RIPOR3: variants seen among roughly 807,000 people sequenced by gnomAD.
RIPOR3 encodes the protein family with sequence similarity 65 member C.
A neutral mutation model predicts 114.3 loss-of-function variants in RIPOR3; 95 were observed. The observed-to-expected ratio is 0.83, with a 90% CI of 0.70 to 0.99. The LOEUF (loss-of-function observed/expected upper bound fraction) is 0.99, where lower values mean the gene tolerates loss of function less well. Among genes scored for constraint, RIPOR3 ranks in the 50% least tolerant of loss-of-function variants. RIPOR3 has a pLI of 0.00. For missense variants in RIPOR3, 1,252 were observed against 1,266.9 expected (o/e 0.99, Z 0.18); for synonymous variants, 575 against 543.8 (o/e 1.06, Z -0.80).
At chr20:50,671,069 A>G (rs2123528043) in intron 1 of RIPOR3, among the ~76,000 whole-genome samples, 1 of 152,290 alleles carries the variant, frequency 6.6e-6, no homozygotes, top group East Asian at 1.9e-4. Context: ...CTGGAACCAA[A>G]GGCATGCACC....
intron 1 of RIPOR3, among the ~76,000 whole-genome samples, chr20:50,655,704 T>C (rs996935652): frequency 1.3e-5 from 2 of 148,666 alleles, no homozygotes; most frequent in African/African-American, 2.5e-5. Flanking sequence ...TGTGTGTGTG[T>C]CCACAGCACA....
intron 12 of RIPOR3, among the ~76,000 whole-genome samples, chr20:50,604,277 G>C (rs1402872320): frequency 1.3e-5 from 2 of 152,204 alleles, no homozygotes; most frequent in African/African-American, 4.8e-5. Flanking sequence ...CTGATGACAG[G>C]AGTTGGTATT....
At chr20:50,682,915 C>T (rs1458469062) in intron 1 of RIPOR3, among the ~76,000 whole-genome samples, 2 of 151,856 alleles carry the variant, frequency 1.3e-5, no homozygotes, top group East Asian at 1.9e-4. Flanking sequence ...TTAGTAGAGA[C>T]GGGGTTTCTC....
chr20:50,592,278 G>T, intron 19 of RIPOR3, 66 bp downstream of exon 19: 1 of 1,453,140 alleles, frequency 6.9e-7, no homozygotes, highest in Non-Finnish European at 9.2e-7. Flanking sequence ...TTTTCCATGA[G>T]AACACCAGCT....
intron 2 of RIPOR3, among the ~76,000 whole-genome samples, chr20:50,626,424 T>C (rs550671255): frequency 3.9e-5 from 6 of 152,316 alleles, no homozygotes; most frequent in Non-Finnish European, 8.8e-5. Context: ...ACTTGGACAC[T>C]GTGGGACCCT....
chr20:50,606,109 G>A (rs555248798), intron 11 of RIPOR3, among the ~76,000 whole-genome samples: 1 of 152,386 alleles, frequency 6.6e-6, no homozygotes, highest in African/African-American at 2.4e-5. Context: ...GAGAGGCTGA[G>A]GCTGGGGAAT....
chr20:50,616,839 C>T (rs2084189528), intron 3 of RIPOR3, among the ~76,000 whole-genome samples: 1 of 152,144 alleles, frequency 6.6e-6, no homozygotes, highest in African/African-American at 2.4e-5. Context: ...CATGGCACAC[C>T]TCCCTCAAGG....
intron 1 of RIPOR3, among the ~76,000 whole-genome samples, chr20:50,665,172 C>T (rs1211923188): frequency 6.6e-6 from 1 of 151,692 alleles, no homozygotes; most frequent in Non-Finnish European, 1.5e-5. Flanking sequence ...TGCGGTGGCT[C>T]ACGCCTGTAA....
chr20:50,609,635 G>T lies in RIPOR3; in HGVS notation c.514C>A (p.Pro172Thr), dbSNP rs771513930. ...SMQRAFARCP[P>T]SRAARESLQE... is the part of the protein sequence containing the mutation. ...AGGCTCTCTCGGGCTGCGCGGCTCG[G>T]GGGGCACCGGGCGAAGGCCCGCTGC... Residue 172 changes from proline to threonine, a missense_variant, in exon 7 of 22, where the codon CCG (proline) becomes ACG (threonine). Coordinates refer to ENST00000327979, the MANE Select transcript of RIPOR3 (RefSeq NM_001290268.2). The T allele has an allele frequency of 7.8e-6, 11 of 1,402,300 alleles. No homozygotes were observed. Among genetic ancestry groups the T allele is most frequent in the Middle Eastern group, 3.8e-4 (2 of 5,274 alleles). 86.9% of individuals were successfully genotyped at this position (1,402,300 alleles called of 1,614,324 possible). A position where few individuals can be genotyped will look rare whatever the true frequency, so the allele number is the denominator to read the frequency against.
At position 50,642,441 on chromosome 20, in the gene RIPOR3, A is replaced by G. The variant is rs2085238403; in HGVS notation, c.4-11585T>C. On this transcript the variant is annotated intron_variant, in intron 1 of 21. Coordinates refer to ENST00000327979, the MANE Select transcript of RIPOR3 (RefSeq NM_001290268.2). ...ATACTTATGTGGCCAAATCCGTCAC[A>G]GGTTTTCCTTCTGTGTTTTACAATT... is the stretch of plus-strand genomic sequence containing the variant. Among the ~76,000 whole-genome samples the G allele has an allele frequency of 2.6e-5, 4 of 151,966 alleles. No homozygotes were observed. The South Asian group carries it at 8.3e-4, about 32-fold the overall frequency.
chr20:50,589,831 G>T, intron 19 of RIPOR3, 62 bp from the exon 20 acceptor site: 2 of 1,496,476 alleles, frequency 1.3e-6, no homozygotes, highest in African/African-American at 1.4e-5. Context: ...ATGGTTCCGG[G>T]TCCATCAGCC....
At chr20:50,619,627 T>G (rs2084321315) in intron 3 of RIPOR3, among the ~76,000 whole-genome samples, 1 of 152,240 alleles carries the variant, frequency 6.6e-6, no homozygotes. Flanking sequence ...GTTGCCTGTC[T>G]GCCGAGGCCC....
intron 1 of RIPOR3, among the ~76,000 whole-genome samples, chr20:50,635,772 C>G (rs2084962928): frequency 6.6e-6 from 1 of 152,236 alleles, no homozygotes; most frequent in Non-Finnish European, 1.5e-5. Context: ...AATGCCAGAG[C>G]TGAAACTGGA....
intron 1 of RIPOR3, among the ~76,000 whole-genome samples, chr20:50,656,868 G>A (rs138995036): frequency 5.5e-4 from 83 of 152,264 alleles, no homozygotes; most frequent in African/African-American, 2.0e-3. Context: ...TTTTTAAACC[G>A]TTTCCTATGG....
chr20:50,672,124 G>A (rs1306996031), intron 1 of RIPOR3, among the ~76,000 whole-genome samples: 1 of 152,102 alleles, frequency 6.6e-6, no homozygotes, highest in East Asian at 1.9e-4. Flanking sequence ...AGGAAGTGAA[G>A]CCCAATCAGT....
At chr20:50,612,405 AAGTGACTCTAATTTTAAAATAT>A (rs2084009271) in intron 4 of RIPOR3, among the ~76,000 whole-genome samples, 1 of 152,138 alleles carries the variant, frequency 6.6e-6, no homozygotes. Context: ...CTTGTTTTTT[AAGTGACTCTAATTTTAAAATAT>A]AGTGACTCTA....
chr20:50,623,922 C>T (rs1484312542), intron 2 of RIPOR3, among the ~76,000 whole-genome samples: 3 of 152,288 alleles, frequency 2.0e-5, no homozygotes, highest in Non-Finnish European at 2.9e-5. Flanking sequence ...CTGCAACCTC[C>T]GCCTCCCAGG....
rs561935173 is a variant in RIPOR3 at position 50,622,074 on chromosome 20, T to G, written c.123-1942A>C. Among the ~76,000 whole-genome samples the G allele has an allele frequency of 1.3e-3, 197 of 152,282 alleles. 1 individual carries two copies. The highest frequency in any genetic ancestry group is 6.8e-3 in the Middle Eastern group (2 of 292). ...ATGTGTTGAATTCTGCTCTTAGCCC[T>G]CTAAAGCCATCAGCCAGGCGCCCTG... On this transcript the variant is annotated intron_variant, in intron 2 of 21. Transcript: ENST00000327979.
chr20:50,659,595 C>T (rs997441074), intron 1 of RIPOR3, among the ~76,000 whole-genome samples: 3 of 140,568 alleles, frequency 2.1e-5, no homozygotes, highest in Non-Finnish European at 1.5e-5. Flanking sequence ...TGCAGTGAGC[C>T]GAGATCACAC....
Sources: allele counts gnomAD v4.1 joint callset (sites outside exome capture counted in the v4.1 genomes callset), GRCh38; gene constraint gnomAD v4.1.1; transcripts MANE v1.5; gene names NCBI Gene and HGNC (gene_info 2026-07-23, HGNC 2026-07-21).